Variants in CYFIP2 observed in about 807,000 individuals in gnomAD.
CYFIP2 encodes the protein cytoplasmic FMR1-interacting protein 2.
Under a neutral mutation model 158.7 loss-of-function variants are expected in CYFIP2, and 29 were observed. The observed-to-expected ratio is 0.18, with a 90% CI of 0.14 to 0.25. The LOEUF is 0.25. Ranked by LOEUF, CYFIP2 falls within the 10% of genes least tolerant of loss-of-function variation. The probability of loss-of-function intolerance (pLI) is 1.00; values close to 1 mark genes in which losing one functional copy is unlikely to be tolerated. For synonymous variants in CYFIP2, 585 were observed against 617.6 expected (o/e 0.95, Z 0.78); for missense variants, 852 against 1,639.5 (o/e 0.52, Z 8.29).
At chr5:157,353,497 C>G (rs1387298105) in intron 23 of CYFIP2, among the ~76,000 whole-genome samples, 2 of 152,318 alleles carry the variant, frequency 1.3e-5, no homozygotes, top group Non-Finnish European at 2.9e-5. Context: ...AGACCCAGCC[C>G]TATGGCCCCC....
intron 22 of CYFIP2, among the ~76,000 whole-genome samples, chr5:157,340,776 G>A (rs1472594200): frequency 6.6e-6 from 1 of 152,162 alleles, no homozygotes; most frequent in Non-Finnish European, 1.5e-5. Context: ...GAGGAGTGGA[G>A]CCCTAGAGAA....
chr5:157,333,429 G>A lies in CYFIP2; in HGVS notation c.2368G>A (p.Asp790Asn), dbSNP rs1761628791. 1 of 1,613,824 alleles carries A rather than the reference G, an allele frequency of 6.2e-7. No homozygotes were observed. Among genetic ancestry groups the A allele is most frequent in the Non-Finnish European group, 8.5e-7 (1 of 1,179,868 alleles). The part of the protein sequence containing the change: ...DQAISRFESE[D>N]LTSIVELEWL... Reference sequence around the variant, plus strand: ...AGCTATCAGCCGCTTTGAGAGTGAGGACCTGACCTCCATTGTGGTAAGAGT... The same window carrying A: ...AGCTATCAGCCGCTTTGAGAGTGAGAACCTGACCTCCATTGTGGTAAGAGT... The change falls in exon 21 of 31, where the codon GAC (aspartate) becomes AAC (asparagine). Residue 790 changes from aspartate to asparagine, a missense_variant. By Grantham distance (23) the Asp-to-Asn change is conservative. Around this residue, in one of 8 missense-constraint regions of CYFIP2, gnomAD observed 191 missense variants for 311.2 expected, o/e 0.61. Coordinates refer to ENST00000620254, the MANE Select transcript of CYFIP2 (RefSeq NM_001037333.3).
At chr5:157,305,761 C>T (rs533490721) in intron 8 of CYFIP2, among the ~76,000 whole-genome samples, 2 of 152,328 alleles carry the variant, frequency 1.3e-5, no homozygotes, top group East Asian at 1.9e-4. Context: ...GCAATCTGCC[C>T]GCCTCGGCCT....
Position 157,289,534 on chromosome 5 carries a change from A to G in CYFIP2, c.207+2426A>G, listed in dbSNP as rs187681887. Reference sequence around the variant, plus strand: ...CCTCAGACTTTTTTCCTTGGCTCCCAGATGGCTGTTTCTCTCTGCATCCTC... The same window carrying G: ...CCTCAGACTTTTTTCCTTGGCTCCCGGATGGCTGTTTCTCTCTGCATCCTC... On this transcript the variant is annotated intron_variant, in intron 3 of 30. Coordinates refer to ENST00000620254, the MANE Select transcript of CYFIP2 (RefSeq NM_001037333.3). Among the ~76,000 whole-genome samples, 73 of 152,348 alleles carry G rather than the reference A, an allele frequency of 4.8e-4. 1 individual carries two copies. Among genetic ancestry groups the G allele is most frequent in the Admixed American group, 7.8e-4 (12 of 15,304 alleles).
At chr5:157,323,847 A>G in intron 15 of CYFIP2, 74 bp from the exon 16 acceptor site, 2 of 1,412,084 alleles carry the variant, frequency 1.4e-6, no homozygotes, top group Non-Finnish European at 1.9e-6. Flanking sequence ...ATACATAAAT[A>G]CAACATGAAG....
chr5:157,289,966 A>G (rs140658197), intron 3 of CYFIP2, among the ~76,000 whole-genome samples: 1 of 152,338 alleles, frequency 6.6e-6, no homozygotes, highest in East Asian at 1.9e-4. Flanking sequence ...AAAGTTATCT[A>G]CACTGCAGGC....
intron 26 of CYFIP2, chr5:157,375,840 G>T (rs960852360): frequency 2.1e-4 from 32 of 152,192 alleles, no homozygotes; most frequent in African/African-American, 7.0e-4. Context: ...TAATGAATGC[G>T]AAGTCTCCAG....
intron 21 of CYFIP2, among the ~76,000 whole-genome samples, 193 bp downstream of exon 21, chr5:157,333,639 C>T (rs1231583188): frequency 2.0e-5 from 3 of 152,130 alleles, no homozygotes; most frequent in African/African-American, 7.2e-5. Flanking sequence ...GCCTTGGGAA[C>T]GATAGCATGG....
chr5:157,294,471 T>C (rs534728954), intron 3 of CYFIP2, among the ~76,000 whole-genome samples: 1 of 152,346 alleles, frequency 6.6e-6, no homozygotes, highest in South Asian at 2.1e-4. Context: ...TAACATTATA[T>C]CTGGGGGGCA....
intron 26 of CYFIP2, chr5:157,376,341 AT>A (rs1268900618): frequency 6.6e-6 from 1 of 152,172 alleles, no homozygotes; most frequent in African/African-American, 2.4e-5. Flanking sequence ...TCTCCACTAG[AT>A]GGTAAACTTC....
intron 8 of CYFIP2, among the ~76,000 whole-genome samples, chr5:157,307,067 C>T (rs1759291308): frequency 6.6e-6 from 1 of 152,078 alleles, no homozygotes; most frequent in Admixed American, 6.5e-5. Flanking sequence ...GCAAAACAAG[C>T]CAGCATTCAG....
chr5:157,276,772 T>C (rs1756579159), intron 1 of CYFIP2, among the ~76,000 whole-genome samples: 1 of 152,318 alleles, frequency 6.6e-6, no homozygotes, highest in South Asian at 2.1e-4. Flanking sequence ...CATATGGATA[T>C]CAGTGGTGGA....
chr5:157,300,955 T>C (rs1333596314), intron 6 of CYFIP2, 59 bp downstream of exon 6: 2 of 1,426,298 alleles, frequency 1.4e-6, no homozygotes. Context: ...CAGGGCTGCC[T>C]GTCAAGTGGA....
At chr5:157,277,102 C>G (rs376629973) in intron 1 of CYFIP2, 26 of 151,086 alleles carry the variant, frequency 1.7e-4, no homozygotes, top group African/African-American at 6.1e-4. Flanking sequence ...GGCTCAATCT[C>G]AGCTCACTGC....
At chr5:157,382,074 G>T (rs1401372304) in intron 26 of CYFIP2, among the ~76,000 whole-genome samples, 1 of 152,110 alleles carries the variant, frequency 6.6e-6, no homozygotes, top group Admixed American at 6.5e-5. Flanking sequence ...AACCAATCTG[G>T]CCTGGGTTCT....
rs145345247 is a variant in CYFIP2 at position 157,391,407 on chromosome 5, A to G, written c.3594+739A>G. Among the ~76,000 whole-genome samples the G allele has an allele frequency of 9.0e-3, 1,369 of 152,278 alleles. 20 individuals are homozygous for G. Among genetic ancestry groups the G allele is most frequent in the African/African-American group, 0.031 (1,281 of 41,548 alleles). ...CAACATCCACCTCCAGAGATTTTTC[A>G]TCTTCCCCAACTGAAACTCCGGGCC... On this transcript the variant is annotated intron_variant, in intron 30 of 30. Coordinates refer to ENST00000620254, the MANE Select transcript of CYFIP2 (RefSeq NM_001037333.3).
At chr5:157,287,149 T>A in intron 3 of CYFIP2, 41 bp downstream of exon 3, 1 of 1,566,632 alleles carries the variant, frequency 6.4e-7, no homozygotes, top group Non-Finnish European at 8.8e-7. Context: ...TGCTCCCTGC[T>A]GGGCTGGCAG....
chr5:157,297,671 G>A lies in CYFIP2; in HGVS notation c.387+897G>A, dbSNP rs1335177695. Among the ~76,000 whole-genome samples, 4 of 152,140 alleles carry A rather than the reference G, an allele frequency of 2.6e-5. 1 individual carries two copies. The highest frequency in any genetic ancestry group is 4.8e-5 in the African/African-American group (2 of 41,428). On this transcript the variant is annotated intron_variant, in intron 5 of 30. Transcript: ENST00000620254. ...TGACAAGAGGTATTTACAGAAGGGAGGATCTGGAATAATTTAGAACTGTGC... is the reference window on the plus strand; with the variant it reads ...TGACAAGAGGTATTTACAGAAGGGAAGATCTGGAATAATTTAGAACTGTGC...
rs190711173 is a variant in CYFIP2, at chr5:157,306,688, C to T, written c.796-1073C>T. Among the ~76,000 whole-genome samples the T allele has an allele frequency of 3.2e-3, 487 of 152,226 alleles. 2 individuals are homozygous for T. Among genetic ancestry groups the T allele is most frequent in the African/African-American group, 0.011 (463 of 41,532 alleles). On this transcript the variant is annotated intron_variant, in intron 8 of 30. Transcript: ENST00000620254. Reference sequence around the variant, plus strand: ...TTGAGCCCAAGAGTTTGAGACCAGCCTGGGCAACACAGTGGAACACCATCT... The same window carrying T: ...TTGAGCCCAAGAGTTTGAGACCAGCTTGGGCAACACAGTGGAACACCATCT...
Sources: gnomAD v4.1 joint callset for allele counts (sites outside exome capture counted in the v4.1 genomes callset) on GRCh38, gnomAD v4.1.1 for gene constraint, gnomAD v4.1.1 regional missense constraint, MANE v1.5 for transcripts, NCBI Gene and HGNC (gene_info 2026-07-23, HGNC 2026-07-21) for gene names.